The following MAPK6 variants were observed in gnomAD, a reference collection of about 807,000 sequenced individuals.
MAPK6 encodes ERK-3.
MAPK6 carries 19 observed loss-of-function variants against 59.3 expected under a neutral mutation model. The ratio of observed to expected loss-of-function variants is 0.32; its 90% CI spans 0.22 to 0.47. The LOEUF is 0.47. Ranked by LOEUF, MAPK6 falls within the 20% of genes least tolerant of loss-of-function variation. MAPK6 has a pLI of 1.00. For missense variants in MAPK6, 724 were observed against 847.9 expected (o/e 0.85, Z 1.81); for synonymous variants, 316 against 290.3 (o/e 1.09, Z -0.90).
At position 52,039,385 on chromosome 15, in the gene MAPK6, T is replaced by G. The variant is rs1290103171; in HGVS notation, c.-631-6445T>G. Among the ~76,000 whole-genome samples, 3 of 152,178 alleles carry G rather than the reference T, an allele frequency of 2.0e-5. No homozygotes were observed. In the East Asian group the frequency reaches 5.8e-4, roughly 29 times the overall value. On this transcript the variant is annotated intron_variant, in intron 1 of 5. Coordinates refer to ENST00000261845, the MANE Select transcript of MAPK6 (RefSeq NM_002748.4). ...AAGCAACAAAATAAACATAATGGCA[T>G]GTGCTTTACAATGGCTTTTTAAATG...
At chr15:52,002,059 C>G (rs564663151) in intron 2 of MAPK6, among the ~76,000 whole-genome samples, 1 of 152,276 alleles carries the variant, frequency 6.6e-6, no homozygotes, top group Admixed American at 6.5e-5. Context: ...CCTTAGGTCA[C>G]GAAAGTCTCT....
intron 3 of MAPK6, among the ~76,000 whole-genome samples, chr15:52,013,050 T>TAC (rs2030136748): frequency 1.7e-5 from 2 of 115,320 alleles, no homozygotes; most frequent in Admixed American, 8.9e-5. Context: ...TATATATATA[T>TAC]ATATATATAT....
At chr15:52,035,286 TTTC>T (rs2031200074) in intron 1 of MAPK6, among the ~76,000 whole-genome samples, 1 of 152,164 alleles carries the variant, frequency 6.6e-6, no homozygotes, top group African/African-American at 2.4e-5. Flanking sequence ...TAGAGGCTCT[TTTC>T]TTCATGGGAT....
upstream of MAPK6, among the ~76,000 whole-genome samples, chr15:52,015,796 A>C (rs1298211799): frequency 7.0e-6 from 1 of 143,230 alleles, no homozygotes; most frequent in Non-Finnish European, 1.5e-5. Context: ...GGTGGCTCAC[A>C]CCTGTAATCC....
At chr15:52,033,540 T>C (rs2031123839) in intron 1 of MAPK6, among the ~76,000 whole-genome samples, 2 of 152,228 alleles carry the variant, frequency 1.3e-5, no homozygotes, top group African/African-American at 4.8e-5. Flanking sequence ...TCGGGGGTTC[T>C]CCAGCCTTCA....
At chr15:52,038,167 A>T (rs2031304680) in intron 1 of MAPK6, among the ~76,000 whole-genome samples, 1 of 151,710 alleles carries the variant, frequency 6.6e-6, no homozygotes, top group South Asian at 2.1e-4. Flanking sequence ...AAAAAAAAAA[A>T]AAAATTGACC....
intron 2 of MAPK6, among the ~76,000 whole-genome samples, chr15:51,999,673 T>G (rs895161080): frequency 6.6e-6 from 1 of 152,194 alleles, no homozygotes; most frequent in South Asian, 2.1e-4. Context: ...AGACAGGATC[T>G]GGCTCTGTCA....
At chr15:51,972,948 G>A (rs1364442374) in intron 1 of MAPK6, among the ~76,000 whole-genome samples, 1 of 151,852 alleles carries the variant, frequency 6.6e-6, no homozygotes, top group African/African-American at 2.4e-5. Context: ...GTTGGAGGCT[G>A]CAGTGAGCTA....
intron 3 of MAPK6, among the ~76,000 whole-genome samples, chr15:52,057,625 A>ACCT (rs1193737078): frequency 6.6e-6 from 1 of 151,782 alleles, no homozygotes. Context: ...GCTTACTGCA[A>ACCT]CCTCCTCCTC....
rs549415582 is a variant in MAPK6, at chr15:52,044,681, G to T, written c.-631-1149G>T. 3.3e-5 allele frequency among the ~76,000 whole-genome samples: 5 copies of T among 151,990 alleles called. No homozygotes were observed. The South Asian group carries it at 1.0e-3, about 32-fold the overall frequency. The stretch of plus-strand genomic sequence containing the variant: ...GCTGGCTAGGGAACCATCTACTGGA[G>T]TTGAGGCTATTTTTTCCTGCCCTTT... On this transcript the variant is annotated intron_variant, in intron 1 of 5. Transcript: ENST00000261845.
chr15:52,064,598 G>C lies in MAPK6; in HGVS notation c.1764G>C (p.Leu588Phe). 1.9e-6 allele frequency: 3 copies of C among 1,611,898 alleles called. No homozygotes were observed. Among genetic ancestry groups the C allele is most frequent in the Non-Finnish European group, 2.5e-6 (3 of 1,179,776 alleles). The change falls in exon 6 of 6, where the codon TTG (leucine) becomes TTC (phenylalanine). Residue 588 changes from leucine (L) to phenylalanine (F), a missense_variant. This residue lies in a region of MAPK6 where 502 missense variants were observed against 507.6 expected (regional missense o/e 0.99). Transcript: ENST00000261845. ...GMANLAQLEA[L>F]YQSSWDSQFV... Reference sequence around the variant, plus strand: ...CAAATCTGGCTCAATTAGAAGCCTTGTACCAGTCTTCTTGGGACAGCCAGT... The same window carrying C: ...CAAATCTGGCTCAATTAGAAGCCTTCTACCAGTCTTCTTGGGACAGCCAGT...
chr15:51,973,210 G>A (rs1007048896), intron 1 of MAPK6, among the ~76,000 whole-genome samples: 1 of 151,944 alleles, frequency 6.6e-6, no homozygotes. Flanking sequence ...GAGCTTTTGT[G>A]TATGAAGCGG....
chr15:51,991,296 G>T (rs1368983350), intron 2 of MAPK6, among the ~76,000 whole-genome samples: 1 of 151,622 alleles, frequency 6.6e-6, no homozygotes, highest in African/African-American at 2.4e-5. Context: ...TTTATCTCTT[G>T]GTACTAATAT....
intron 1 of MAPK6, among the ~76,000 whole-genome samples, chr15:51,981,230 T>G (rs1237545721): frequency 6.6e-6 from 1 of 151,490 alleles, no homozygotes; most frequent in East Asian, 1.9e-4. Flanking sequence ...TCCCAGCACT[T>G]TGGGAGGCCG....
At chr15:52,024,524 C>CT (rs1322290466) in intron 1 of MAPK6, 1 of 152,282 alleles carries the variant, frequency 6.6e-6, no homozygotes, top group Non-Finnish European at 1.5e-5. Flanking sequence ...CCTCAGCCTC[C>CT]TGAGTAGCTG....
intron 3 of MAPK6, among the ~76,000 whole-genome samples, chr15:52,055,230 A>G (rs1285120578): frequency 1.3e-5 from 2 of 152,166 alleles, no homozygotes; most frequent in African/African-American, 2.4e-5. Context: ...CAGCATAGTG[A>G]GACCCTGTCT....
chr15:52,047,653 T>G (rs1462404509), intron 2 of MAPK6, among the ~76,000 whole-genome samples: 1 of 151,650 alleles, frequency 6.6e-6, no homozygotes, highest in East Asian at 1.9e-4. Context: ...GCCTTTTTTT[T>G]TTTTTTTTTA....
intron 1 of MAPK6, among the ~76,000 whole-genome samples, chr15:52,037,033 T>C (rs544505085): frequency 6.6e-6 from 1 of 152,262 alleles, no homozygotes; most frequent in Non-Finnish European, 1.5e-5. Flanking sequence ...GATGCGGGGC[T>C]GATCTGTAAT....
intron 5 of MAPK6, among the ~76,000 whole-genome samples, chr15:52,062,503 G>A (rs1416045334): frequency 6.6e-6 from 1 of 152,100 alleles, no homozygotes. Flanking sequence ...GGTGGCTCAT[G>A]CCTGTAATCC....
Sources: allele counts gnomAD v4.1 joint callset (sites outside exome capture counted in the v4.1 genomes callset), GRCh38; gene constraint gnomAD v4.1.1; regional missense constraint gnomAD v4.1.1; transcripts MANE v1.5; gene names NCBI Gene and HGNC (gene_info 2026-07-23, HGNC 2026-07-21).